Variants in KCNB2 observed in about 807,000 individuals in gnomAD.
KCNB2 encodes the protein delayed rectifier potassium channel protein.
In KCNB2, 15 loss-of-function variants were observed where a neutral mutation model predicts 61.5. The observed-to-expected ratio is 0.24, with a 90% CI of 0.16 to 0.38. The LOEUF (loss-of-function observed/expected upper bound fraction) is 0.38. KCNB2 is among the 10% of genes least tolerant of loss of function. The pLI, the probability that KCNB2 is intolerant of heterozygous loss-of-function variation, is 1.00. For synonymous variants in KCNB2, 457 were observed against 446.0 expected (o/e 1.02, Z -0.31); for missense variants, 828 against 1,125.2 (o/e 0.74, Z 3.78).
At chr8:72,617,896 A>G (rs1480336698) in intron 2 of KCNB2, among the ~76,000 whole-genome samples, 1 of 152,196 alleles carries the variant, frequency 6.6e-6, no homozygotes, top group Non-Finnish European at 1.5e-5. Context: ...ACACACCATA[A>G]TATTATCTAA....
In KCNB2 at chr8:72,567,820, G is replaced by T; in HGVS notation, c.86G>T (p.Arg29Leu). Residue 29 changes from arginine (R) to leucine (L), a missense_variant, in exon 2 of 3, where the codon CGG becomes CTG. Physicochemically the swap from Arg to Leu is moderately radical, Grantham distance 102. Around this residue, in one of 4 missense-constraint regions of KCNB2, gnomAD observed 62 missense variants for 54.8 expected, o/e 1.13. Transcript: ENST00000523207. The stretch of plus-strand genomic sequence containing the variant: ...CCTCCAGAGCCTGTGGACATTATCC[G>T]GAGCAAAACATGCTCCAGGAGAGTT... ...SLPPEPVDII[R>L]SKTCSRRVKI... is the part of the protein sequence containing the mutation. 1 of 1,613,778 alleles carries T rather than the reference G, an allele frequency of 6.2e-7. No individual in the cohort carries two copies. Among genetic ancestry groups the T allele is most frequent in the Non-Finnish European group, 8.5e-7 (1 of 1,179,908 alleles).
chr8:72,611,100 C>T (rs1191688207), intron 2 of KCNB2, among the ~76,000 whole-genome samples: 1 of 152,078 alleles, frequency 6.6e-6, no homozygotes, highest in South Asian at 2.1e-4. Flanking sequence ...GAGTAGGGAG[C>T]ACTGAAGAAA....
chr8:72,886,346 C>T (rs1805806810), intron 2 of KCNB2, among the ~76,000 whole-genome samples: 1 of 152,190 alleles, frequency 6.6e-6, no homozygotes, highest in South Asian at 2.1e-4. Context: ...CCTGTTCTCT[C>T]TCAGTCTCTC....
chr8:72,597,125 G>A (rs1480952555), intron 2 of KCNB2, among the ~76,000 whole-genome samples: 1 of 145,116 alleles, frequency 6.9e-6, no homozygotes, highest in African/African-American at 2.6e-5. Flanking sequence ...CTGGGTTCAA[G>A]CAATTCCTCT....
rs750922120 is a variant in KCNB2 at position 72,567,998 on chromosome 8, C to T, written c.264C>T (p.Phe88=). ...ATAATCTGAACGAGAACGAGTATTT[C>T]TTTGATCGGCATCCAGGAGCCTTCA... ...DDYNLNENEY[F]FDRHPGAFTS... Residue 88 remains phenylalanine (F), a synonymous_variant, in exon 2 of 3, where the codon TTC becomes TTT. Transcript: ENST00000523207. The T allele has an allele frequency of 1.9e-6, 3 of 1,614,004 alleles. No homozygotes were observed. The highest frequency in any genetic ancestry group is 3.3e-5 in the Admixed American group (2 of 59,994).
intron 2 of KCNB2, among the ~76,000 whole-genome samples, chr8:72,895,874 A>G (rs181035783): frequency 6.6e-6 from 1 of 152,326 alleles, no homozygotes; most frequent in African/African-American, 2.4e-5. Flanking sequence ...TTTCTGTAGA[A>G]ATTAAAAAAT....
chr8:72,936,679 C>T lies in KCNB2; in HGVS notation c.1324C>T (p.Arg442Trp), dbSNP rs750665772. 1.9e-6 allele frequency: 3 copies of T among 1,614,102 alleles called. No homozygotes were observed. Among genetic ancestry groups the T allele is most frequent in the Non-Finnish European group, 8.5e-7 (1 of 1,179,998 alleles). The change falls in exon 3 of 3, where the codon CGG becomes TGG. Residue 442 changes from arginine to tryptophan, a missense_variant. Coordinates refer to ENST00000523207, the MANE Select transcript of KCNB2 (RefSeq NM_004770.3). This position sits in a 1 kb window ranked among gnomAD's most constrained non-coding sequence, Gnocchi z 5.6. ...AATTAAAAGGAGGGAGGCTCTTGAG[C>T]GGGCCAAAAGGAACGGAAGCATCGT... ...KAIKRREALE[R>W]AKRNGSIVSM...
At chr8:72,776,858 GT>G (rs1323330962) in intron 2 of KCNB2, among the ~76,000 whole-genome samples, 1 of 152,172 alleles carries the variant, frequency 6.6e-6, no homozygotes, top group East Asian at 1.9e-4. Context: ...GCTGAGCAAC[GT>G]TGGACCTAAG....
intron 1 of KCNB2, among the ~76,000 whole-genome samples, chr8:72,563,263 A>G (rs1806564870): frequency 6.6e-6 from 1 of 152,170 alleles, no homozygotes; most frequent in Non-Finnish European, 1.5e-5. Flanking sequence ...GAAAAAATTA[A>G]GTGTCATAGG....
At chr8:72,734,737 C>T (rs150418917) in intron 2 of KCNB2, among the ~76,000 whole-genome samples, 143 of 152,260 alleles carry the variant, frequency 9.4e-4, no homozygotes, top group Non-Finnish European at 1.2e-3. Context: ...TCAGTGAAGA[C>T]GTGCTCTAGG....
intron 2 of KCNB2, among the ~76,000 whole-genome samples, chr8:72,588,223 T>C (rs962863847): frequency 5.3e-5 from 8 of 150,016 alleles, no homozygotes; most frequent in South Asian, 2.1e-4. Flanking sequence ...CTTTTCTTTT[T>C]TTTTTTTTTT....
At chr8:72,610,614 A>T (rs908703043) in intron 2 of KCNB2, among the ~76,000 whole-genome samples, 4 of 152,190 alleles carry the variant, frequency 2.6e-5, no homozygotes, top group African/African-American at 9.7e-5. Context: ...CACTGTCCTA[A>T]ATACTTAAAA....
At chr8:72,720,067 C>G (rs1268369348) in intron 2 of KCNB2, among the ~76,000 whole-genome samples, 1 of 152,144 alleles carries the variant, frequency 6.6e-6, no homozygotes. Flanking sequence ...TATCTCCCTG[C>G]ACGTTTCAGT....
chr8:72,873,041 C>T (rs1213801919), intron 2 of KCNB2, among the ~76,000 whole-genome samples: 4 of 152,282 alleles, frequency 2.6e-5, no homozygotes, highest in African/African-American at 9.6e-5. Flanking sequence ...CTGTGTGCAC[C>T]GATGCAGCAG....
At chr8:72,577,386 C>T (rs1806814541) in intron 2 of KCNB2, among the ~76,000 whole-genome samples, 1 of 151,952 alleles carries the variant, frequency 6.6e-6, no homozygotes, top group Non-Finnish European at 1.5e-5. Context: ...AGAGTATGTT[C>T]TATTGTAAAG....
At chr8:72,643,900 G>C (rs1806091153) in intron 2 of KCNB2, among the ~76,000 whole-genome samples, 1 of 152,070 alleles carries the variant, frequency 6.6e-6, no homozygotes, top group African/African-American at 2.4e-5. Context: ...TACAGAAAGG[G>C]AGTTTAAACT....
intron 2 of KCNB2, among the ~76,000 whole-genome samples, chr8:72,789,517 G>C (rs73686518): frequency 0.028 from 4,287 of 152,196 alleles, 141 homozygotes; most frequent in African/African-American, 0.075. Flanking sequence ...ACCAGGTAGA[G>C]AAGGGGGAGG....
At chr8:72,664,539 A>T (rs551692877) in intron 2 of KCNB2, among the ~76,000 whole-genome samples, 1 of 152,350 alleles carries the variant, frequency 6.6e-6, no homozygotes, top group Non-Finnish European at 1.5e-5. Flanking sequence ...CTTTTATGTT[A>T]CAGAGACTGC....
intron 2 of KCNB2, among the ~76,000 whole-genome samples, chr8:72,699,853 C>A (rs992819142): frequency 1.3e-5 from 2 of 152,008 alleles, no homozygotes; most frequent in African/African-American, 4.8e-5. Flanking sequence ...GGTATATACC[C>A]AAAGGATTAT....
Sources: allele counts gnomAD v4.1 joint callset (sites outside exome capture counted in the v4.1 genomes callset), GRCh38; gene constraint gnomAD v4.1.1; regional missense constraint gnomAD v4.1.1; non-coding constraint Gnocchi (gnomAD v3.1); transcripts MANE v1.5; gene names NCBI Gene and HGNC (gene_info 2026-07-23, HGNC 2026-07-21).